Variants in PHF12 observed in about 807,000 individuals in gnomAD.
PHF12 encodes the protein PHD factor 1.
In PHF12, 6 loss-of-function variants were observed where a neutral mutation model predicts 99.8. The ratio of observed to expected loss-of-function variants is 0.06; its 90% CI spans 0.03 to 0.12. The LOEUF (loss-of-function observed/expected upper bound fraction) is 0.12. Among genes scored for constraint, PHF12 ranks in the 10% least tolerant of loss-of-function variants. The probability of loss-of-function intolerance (pLI) is 1.00; values close to 1 mark genes in which losing one functional copy is unlikely to be tolerated. For missense variants in PHF12, 954 were observed against 1,300.1 expected (o/e 0.73, Z 4.09); for synonymous variants, 480 against 514.9 (o/e 0.93, Z 0.92).
intron 6 of PHF12, among the ~76,000 whole-genome samples, chr17:28,917,661 A>G (rs1381577508): frequency 6.6e-6 from 1 of 152,156 alleles, no homozygotes; most frequent in Non-Finnish European, 1.5e-5. Flanking sequence ...AAGAGAGCCA[A>G]TATGTTCCTG....
At chr17:28,915,777 C>G (rs1649928656) in intron 7 of PHF12, among the ~76,000 whole-genome samples, 3 of 152,160 alleles carry the variant, frequency 2.0e-5, no homozygotes, top group Non-Finnish European at 4.4e-5. Context: ...GGTTCTTCAC[C>G]AATGTTCTAT....
intron 2 of PHF12, among the ~76,000 whole-genome samples, chr17:28,928,897 A>C (rs918315436): frequency 6.6e-6 from 1 of 152,118 alleles, no homozygotes; most frequent in African/African-American, 2.4e-5. Flanking sequence ...GGAGTTTGAG[A>C]ACAGCCTGGC....
chr17:28,934,673 C>T (rs1185192262), intron 2 of PHF12, among the ~76,000 whole-genome samples: 3 of 144,858 alleles, frequency 2.1e-5, no homozygotes, highest in South Asian at 4.3e-4. Flanking sequence ...CGCAATGGTG[C>T]GATCTCTGCT....
Position 28,949,133 on chromosome 17 carries a change from A to G in PHF12, c.248+932T>C, listed in dbSNP as rs2040764746. 6.6e-6 allele frequency among the ~76,000 whole-genome samples: 1 copy of G among 152,174 alleles called. No individual in the cohort carries two copies. Among genetic ancestry groups the G allele is most frequent in the African/African-American group, 2.4e-5 (1 of 41,442 alleles). On this transcript the variant is annotated intron_variant, in intron 2 of 14. Coordinates refer to ENST00000332830, the MANE Select transcript of PHF12 (RefSeq NM_001033561.2). This position sits in a 1 kb window ranked among gnomAD's most constrained non-coding sequence, Gnocchi z 4.6. ...AAAAGCGTACGGCTTTCCAGCTCTC[A>G]GCTCCTTAAAAATGCCTTTCTAGTG...
At chr17:28,913,845 T>C (rs368098628) in intron 8 of PHF12, 34 bp downstream of exon 8, 77 of 1,575,834 alleles carry the variant, frequency 4.9e-5, no homozygotes, top group Non-Finnish European at 6.2e-5. Context: ...AGAAGGAAGG[T>C]TGGATTTGGA....
In PHF12 at chr17:28,911,225, C is replaced by A; in HGVS notation, c.2102G>T (p.Ser701Ile). ...GCTTCCTATGGATAACGTGCCGGGG[C>A]TGACCTTGCCATCTGGGGACGGAGC... ...SPAPSSDGKV[S>I]PGTLSIGSAL... The change falls in exon 10 of 15, where the codon AGC (serine) becomes ATC (isoleucine). Residue 701 changes from serine to isoleucine, a missense_variant. Around this residue, in one of 8 missense-constraint regions of PHF12, gnomAD observed 143 missense variants for 191.8 expected, o/e 0.75. Transcript: ENST00000332830. 1 of 1,614,146 alleles carries A rather than the reference C, an allele frequency of 6.2e-7. No homozygotes were observed. The highest frequency in any genetic ancestry group is 8.5e-7 in the Non-Finnish European group (1 of 1,180,008).
chr17:28,937,834 T>C (rs2040536516), intron 2 of PHF12, among the ~76,000 whole-genome samples: 1 of 152,198 alleles, frequency 6.6e-6, no homozygotes, highest in Admixed American at 6.5e-5. Context: ...CAAAGAAAGA[T>C]GGGCTGGGGT....
chr17:28,928,498 A>G (rs1340669185), intron 2 of PHF12, among the ~76,000 whole-genome samples: 1 of 152,186 alleles, frequency 6.6e-6, no homozygotes, highest in Non-Finnish European at 1.5e-5. Flanking sequence ...AGGGACTAGG[A>G]CAATGATTGG....
intron 2 of PHF12, among the ~76,000 whole-genome samples, chr17:28,941,039 CTTTTT>C (rs34310397): frequency 1.5e-5 from 2 of 134,324 alleles, no homozygotes; most frequent in Non-Finnish European, 1.6e-5. Context: ...GGAAAACAGA[CTTTTT>C]TTTTTTTTTT....
intron 11 of PHF12, 159 bp downstream of exon 11, chr17:28,910,067 T>C (rs775017483): frequency 9.2e-7 from 1 of 1,081,636 alleles, no homozygotes; most frequent in African/African-American, 1.6e-5. Flanking sequence ...TTGTTCCTGC[T>C]CTCTTCAGAA....
intron 5 of PHF12, among the ~76,000 whole-genome samples, chr17:28,921,244 G>A (rs1381473344): frequency 6.6e-6 from 1 of 152,110 alleles, no homozygotes; most frequent in Non-Finnish European, 1.5e-5. Context: ...GTGCAGTGGC[G>A]TGATCACAGT....
intron 2 of PHF12, among the ~76,000 whole-genome samples, chr17:28,946,162 C>CAT (rs2040719476): frequency 6.6e-6 from 1 of 152,166 alleles, no homozygotes; most frequent in East Asian, 1.9e-4. Flanking sequence ...ACCACACACA[C>CAT]ATCTCTTTCC....
At chr17:28,923,860 CT>C in intron 4 of PHF12, 48 bp downstream of exon 4, 1 of 1,554,084 alleles carries the variant, frequency 6.4e-7, no homozygotes, top group Non-Finnish European at 8.7e-7. Flanking sequence ...TGTGCTGGTC[CT>C]TTGGGGAAAC....
intron 4 of PHF12, among the ~76,000 whole-genome samples, chr17:28,923,350 T>TTC (rs2040199982): frequency 0.02 from 2 of 102 alleles, no homozygotes; most frequent in African/African-American, 0.067. Context: ...TGTATAATAC[T>TTC]TTTTTTTTTT....
At chr17:28,946,312 C>T (rs922598576) in intron 2 of PHF12, among the ~76,000 whole-genome samples, 7 of 152,110 alleles carry the variant, frequency 4.6e-5, no homozygotes, top group South Asian at 4.1e-4. Flanking sequence ...GGTGAGGTCA[C>T]GGTACTGAGC....
Position 28,950,300 on chromosome 17 carries a change from G to C in PHF12, c.67-54C>G, listed in dbSNP as rs758608817. ...CACACTCGGAGCTCCCGGGCGGTCC[G>C]TCGCCCCCCCGGCGCGGTTTCTCCG... is the stretch of plus-strand genomic sequence containing the variant. On this transcript the variant is annotated intron_variant, in intron 1 of 14. Coordinates refer to ENST00000332830, the MANE Select transcript of PHF12 (RefSeq NM_001033561.2). The surrounding 1 kb of genome is among the most constrained non-coding windows in gnomAD (Gnocchi z 5.7). 1.7e-5 allele frequency: 26 copies of C among 1,534,240 alleles called. No homozygotes were observed. Among genetic ancestry groups the C allele is most frequent in the Non-Finnish European group, 2.3e-5 (26 of 1,141,698 alleles).
chr17:28,945,554 A>G (rs1337473597), intron 2 of PHF12, among the ~76,000 whole-genome samples: 1 of 152,186 alleles, frequency 6.6e-6, no homozygotes, highest in Admixed American at 6.5e-5. Flanking sequence ...CTATCAGACC[A>G]TTTTGGTCCC....
chr17:28,931,707 G>A (rs1411190327), intron 2 of PHF12, among the ~76,000 whole-genome samples: 1 of 151,052 alleles, frequency 6.6e-6, no homozygotes, highest in Admixed American at 6.6e-5. Flanking sequence ...TCAGCCTCCC[G>A]AGTAGCTGGG....
In PHF12 at chr17:28,936,617, A is replaced by G. The variant is rs947265129; in HGVS notation, c.249-9554T>C. ...GGAATCAGAAGCTCTCTAGCCATCTATAGCAGTTTCAGTTTCAGTCAAAAT... is the reference window on the plus strand; with the variant it reads ...GGAATCAGAAGCTCTCTAGCCATCTGTAGCAGTTTCAGTTTCAGTCAAAAT... On this transcript the variant is annotated intron_variant, in intron 2 of 14. Transcript: ENST00000332830. Among the ~76,000 whole-genome samples the G allele has an allele frequency of 3.9e-5, 6 of 152,198 alleles. No homozygotes were observed. In the South Asian group the frequency reaches 1.2e-3, roughly 31 times the overall value.
Sources: allele counts gnomAD v4.1 joint callset (sites outside exome capture counted in the v4.1 genomes callset), GRCh38; gene constraint gnomAD v4.1.1; regional missense constraint gnomAD v4.1.1; non-coding constraint Gnocchi (gnomAD v3.1); transcripts MANE v1.5; gene names NCBI Gene and HGNC (gene_info 2026-07-23, HGNC 2026-07-21).